ADK: variants seen among roughly 807,000 people sequenced by gnomAD.
ADK encodes adenosine kinase.
ADK carries 24 observed loss-of-function variants against 44.7 expected under a neutral mutation model. The ratio of observed to expected loss-of-function variants is 0.54; its 90% confidence interval spans 0.39 to 0.76. The LOEUF (loss-of-function observed/expected upper bound fraction) is 0.76. Ranked by LOEUF, ADK falls within the 30% of genes least tolerant of loss-of-function variation. ADK has a pLI of 0.00. For missense variants in ADK, 321 were observed against 425.1 expected (o/e 0.76, Z 2.15); for synonymous variants, 128 against 142.6 (o/e 0.90, Z 0.73).
intron 8 of ADK, among the ~76,000 whole-genome samples, chr10:74,595,426 G>GAC (rs1564810367): frequency 9.8e-6 from 1 of 102,448 alleles, no homozygotes; most frequent in Non-Finnish European, 1.9e-5. Flanking sequence ...CGCCAGGCTG[G>GAC]AGTGCAGTGG....
intron 7 of ADK, among the ~76,000 whole-genome samples, chr10:74,577,110 CTGTGTGTGTGTGTGTGTGTGTGTG>C (rs146683037): frequency 4.4e-5 from 6 of 137,326 alleles, no homozygotes; most frequent in African/African-American, 1.4e-4. Context: ...TATTATTTCT[CTGTGTGTGTGTGTGTGTGTGTGTG>C]TGTGTGTGTG....
rs1039392276 is a variant in ADK at position 74,417,023 on chromosome 10, C to A, written c.555+18444C>A. 2.3e-4 allele frequency among the ~76,000 whole-genome samples: 35 copies of A among 152,038 alleles called. 1 individual carries two copies. Among genetic ancestry groups the A allele is most frequent in the Middle Eastern group, 6.8e-3 (2 of 294 alleles). ...TTAAATTTTAAAAATATTTTACTTA[C>A]TAAAGTCAACTGATGTTTTCCTGGT... is the stretch of plus-strand genomic sequence containing the variant. On this transcript the variant is annotated intron_variant, in intron 6 of 10. Transcript: ENST00000539909.
chr10:74,243,302 G>A (rs1261204090), intron 3 of ADK, among the ~76,000 whole-genome samples: 1 of 152,200 alleles, frequency 6.6e-6, no homozygotes, highest in Non-Finnish European at 1.5e-5. Context: ...GCTCCCTCCT[G>A]CAGGGGGTTG....
chr10:74,683,600 T>C (rs1466466749), intron 10 of ADK, among the ~76,000 whole-genome samples: 1 of 151,932 alleles, frequency 6.6e-6, no homozygotes, highest in African/African-American at 2.4e-5. Context: ...ATGAGGGAAA[T>C]AAAGAATCTG....
At chr10:74,487,594 T>C (rs940136429) in intron 6 of ADK, among the ~76,000 whole-genome samples, 3 of 151,926 alleles carry the variant, frequency 2.0e-5, no homozygotes, top group Non-Finnish European at 4.4e-5. Flanking sequence ...ATCCTGAAAT[T>C]GTGTAACCTG....
chr10:74,654,677 T>C (rs1391775501), intron 9 of ADK, among the ~76,000 whole-genome samples: 1 of 152,156 alleles, frequency 6.6e-6, no homozygotes, highest in African/African-American at 2.4e-5. Flanking sequence ...CCGGGTGTGG[T>C]GGCAGGCACC....
chr10:74,584,950 ATAAG>A (rs1282740302), intron 7 of ADK, among the ~76,000 whole-genome samples: 1 of 152,196 alleles, frequency 6.6e-6, no homozygotes, highest in African/African-American at 2.4e-5. Flanking sequence ...ATTCTACTTT[ATAAG>A]TAAGAACTTG....
At chr10:74,166,748 C>T (rs1001471884) in intron 1 of ADK, among the ~76,000 whole-genome samples, 1 of 151,640 alleles carries the variant, frequency 6.6e-6, no homozygotes, top group African/African-American at 2.4e-5. Context: ...CTCAGTTCCT[C>T]TTAGCTATTT....
chr10:74,278,776 G>A (rs1020245531), intron 3 of ADK, among the ~76,000 whole-genome samples: 3 of 152,240 alleles, frequency 2.0e-5, no homozygotes, highest in South Asian at 2.1e-4. Context: ...GGCCTCAAGC[G>A]ATCTTCCCGT....
At chr10:74,202,567 T>G (rs1382955188) in intron 2 of ADK, among the ~76,000 whole-genome samples, 2 of 152,242 alleles carry the variant, frequency 1.3e-5, no homozygotes, top group Admixed American at 1.3e-4. Flanking sequence ...CTGCACTGTT[T>G]TGCATTCCTA....
intron 7 of ADK, among the ~76,000 whole-genome samples, chr10:74,577,982 TG>T (rs1301869898): frequency 6.6e-6 from 1 of 152,218 alleles, no homozygotes; most frequent in East Asian, 1.9e-4. Flanking sequence ...GAGTGAATTT[TG>T]TAAAACTTCC....
At chr10:74,567,867 T>C (rs1850743216) in intron 7 of ADK, among the ~76,000 whole-genome samples, 1 of 151,788 alleles carries the variant, frequency 6.6e-6, no homozygotes. Flanking sequence ...CCCAGCTAAT[T>C]TTTTTGTATT....
At chr10:74,289,107 C>A (rs1847305487) in intron 3 of ADK, among the ~76,000 whole-genome samples, 1 of 152,154 alleles carries the variant, frequency 6.6e-6, no homozygotes, top group African/African-American at 2.4e-5. Context: ...AACTTTATTG[C>A]AATTCAAACA....
chr10:74,279,060 C>T (rs1846813885), intron 3 of ADK, among the ~76,000 whole-genome samples: 1 of 151,586 alleles, frequency 6.6e-6, no homozygotes, highest in African/African-American at 2.4e-5. Context: ...GCAGGTGGAT[C>T]ACGAGATCAG....
At chr10:74,414,230 G>A (rs1045543075) in intron 6 of ADK, among the ~76,000 whole-genome samples, 1 of 152,050 alleles carries the variant, frequency 6.6e-6, no homozygotes, top group South Asian at 2.1e-4. Flanking sequence ...TAATAAAAAG[G>A]TATCTGTGAA....
At chr10:74,315,192 C>T (rs1292651686) in intron 4 of ADK, among the ~76,000 whole-genome samples, 3 of 151,928 alleles carry the variant, frequency 2.0e-5, no homozygotes, top group Non-Finnish European at 4.4e-5. Context: ...TTCTTCATTT[C>T]CTGCATGTCC....
intron 6 of ADK, among the ~76,000 whole-genome samples, chr10:74,433,125 C>T (rs1845056341): frequency 6.6e-6 from 1 of 152,054 alleles, no homozygotes; most frequent in African/African-American, 2.4e-5. Context: ...GACAAAATTA[C>T]CAAAATGGAT....
Position 74,525,244 on chromosome 10 carries a change from T to G in ADK, c.556-12T>G. ...GGTATTTCTAATTTTCCCTCCTTTT[T>G]TCTTCATCCAGGGCTTTTTTCTTAC... On this transcript the variant is annotated splice_polypyrimidine_tract_variant and intron_variant, in intron 6 of 10. Transcript: ENST00000539909. 6.2e-7 allele frequency: 1 copy of G among 1,613,374 alleles called. No homozygotes were observed. Among genetic ancestry groups the G allele is most frequent in the Non-Finnish European group, 8.5e-7 (1 of 1,179,506 alleles).
chr10:74,169,664 T>A (rs1842112190), intron 1 of ADK, among the ~76,000 whole-genome samples: 1 of 152,238 alleles, frequency 6.6e-6, no homozygotes, highest in Admixed American at 6.5e-5. Flanking sequence ...AATCTAAAGA[T>A]GATTATTAAA....
Sources: gnomAD v4.1 joint callset for allele counts (sites outside exome capture counted in the v4.1 genomes callset) on GRCh38, gnomAD v4.1.1 for gene constraint, MANE v1.5 for transcripts, NCBI Gene and HGNC (gene_info 2026-07-23, HGNC 2026-07-21) for gene names.